Variants in PVT1 observed in about 807,000 individuals in gnomAD.
PVT1 encodes CXCR4/PVT1 fusion.
intron 4 of PVT1, among the ~76,000 whole-genome samples, chr8:128,035,438 G>T (rs895935740): frequency 6.6e-6 from 1 of 152,112 alleles, no homozygotes; most frequent in Non-Finnish European, 1.5e-5. Context: ...CACACTTTGT[G>T]GGGGGCCAAG....
intron 3 of PVT1, among the ~76,000 whole-genome samples, chr8:127,961,818 C>T (rs951548153): frequency 6.6e-6 from 1 of 152,226 alleles, no homozygotes; most frequent in African/African-American, 2.4e-5. Flanking sequence ...GGATGGCCTT[C>T]AGGAGCTCCA....
intron 3 of PVT1, among the ~76,000 whole-genome samples, chr8:127,927,704 G>A (rs1271905596): frequency 1.3e-5 from 2 of 152,130 alleles, no homozygotes; most frequent in Non-Finnish European, 1.5e-5. Context: ...GGTGACTTTA[G>A]GCAACTGACT....
chr8:127,855,291 G>T (rs1586408349), intron 2 of PVT1: 1 of 398,512 alleles, frequency 2.5e-6, no homozygotes, highest in South Asian at 1.3e-4. Context: ...AGAAGCAGCT[G>T]GGGGCCTTGG....
chr8:128,003,803 C>T (rs1317803640), intron 4 of PVT1, among the ~76,000 whole-genome samples: 1 of 152,182 alleles, frequency 6.6e-6, no homozygotes, highest in African/African-American at 2.4e-5. Context: ...TTAATCAGGC[C>T]ACCAGTCTGA....
chr8:127,896,002 C>T (rs991050202), intron 3 of PVT1, among the ~76,000 whole-genome samples: 16 of 152,140 alleles, frequency 1.1e-4, no homozygotes, highest in Non-Finnish European at 2.2e-4. Context: ...ACATGTTTGT[C>T]TTTCAAAGGC....
chr8:127,970,226 A>G (rs139750063), intron 3 of PVT1, among the ~76,000 whole-genome samples: 2 of 146,932 alleles, frequency 1.4e-5, no homozygotes, highest in African/African-American at 5.1e-5. Context: ...CAGGGGGCAC[A>G]CATTTCAGCA....
intron 2 of PVT1, among the ~76,000 whole-genome samples, chr8:127,798,163 G>C (rs1169546712): frequency 6.6e-6 from 1 of 151,894 alleles, no homozygotes; most frequent in East Asian, 1.9e-4. Context: ...AATTAGCCGG[G>C]CATGGTGGCG....
At chr8:127,902,265 G>T (rs536454345) in intron 3 of PVT1, among the ~76,000 whole-genome samples, 1 of 152,224 alleles carries the variant, frequency 6.6e-6, no homozygotes, top group African/African-American at 2.4e-5. Flanking sequence ...CACCCTACCT[G>T]TGAATTGAAT....
At chr8:127,819,760 G>A (rs949138301) in intron 2 of PVT1, among the ~76,000 whole-genome samples, 1 of 152,130 alleles carries the variant, frequency 6.6e-6, no homozygotes, top group Non-Finnish European at 1.5e-5. Context: ...TAAATAGGTA[G>A]GACCCAATAC....
intron 3 of PVT1, among the ~76,000 whole-genome samples, chr8:127,917,027 G>A (rs1815994126): frequency 2.0e-5 from 3 of 152,178 alleles, no homozygotes; most frequent in Admixed American, 1.3e-4. Context: ...TAGAGTTTAA[G>A]TTTTCTCCTC....
At chr8:128,074,519 TA>T (rs35127174) in intron 5 of PVT1, among the ~76,000 whole-genome samples, 47,195 of 122,222 alleles carry the variant, frequency 0.39, 9,298 homozygotes, top group East Asian at 0.66. Context: ...TGAGACTGTC[TA>T]AAAAAAAAAA....
At chr8:127,802,302 C>T (rs1025028748) in intron 2 of PVT1, among the ~76,000 whole-genome samples, 6 of 152,172 alleles carry the variant, frequency 3.9e-5, no homozygotes, top group African/African-American at 7.2e-5. Flanking sequence ...TAGCCTCGAC[C>T]TCCCAGGCTC....
intron 3 of PVT1, among the ~76,000 whole-genome samples, chr8:127,909,928 G>T (rs954617376): frequency 1.3e-5 from 2 of 152,060 alleles, no homozygotes; most frequent in African/African-American, 4.8e-5. Flanking sequence ...TCTTGGTGGG[G>T]TGTTCATCAG....
intron 2 of PVT1, among the ~76,000 whole-genome samples, chr8:127,817,521 C>CATATA (rs1814677952): frequency 2.1e-5 from 1 of 47,118 alleles, no homozygotes; most frequent in Non-Finnish European, 3.7e-5. Flanking sequence ...ATAGATATAT[C>CATATA]TATTTAAATA....
chr8:128,032,948 G>A (rs1031926578), intron 4 of PVT1, among the ~76,000 whole-genome samples: 13 of 152,300 alleles, frequency 8.5e-5, no homozygotes, highest in Admixed American at 2.0e-4. Flanking sequence ...ACTGAGTGTC[G>A]GAGTGGGAAG....
At chr8:128,039,915 G>A (rs1209901985) in intron 4 of PVT1, among the ~76,000 whole-genome samples, 1 of 152,242 alleles carries the variant, frequency 6.6e-6, no homozygotes, top group African/African-American at 2.4e-5. Flanking sequence ...GCTATGGGGT[G>A]CCGTAAGAAA....
At chr8:128,069,421 G>A (rs780923403) in intron 4 of PVT1, among the ~76,000 whole-genome samples, 8 of 152,156 alleles carry the variant, frequency 5.3e-5, no homozygotes, top group Non-Finnish European at 8.8e-5. Context: ...CCTGACCCTC[G>A]CTGCTGTATC....
rs139227092 is a variant in PVT1 at position 127,981,831 on chromosome 8, A to C, written n.783-7331A>C. Among the ~76,000 whole-genome samples, 572 of 152,288 alleles carry C rather than the reference A, an allele frequency of 3.8e-3. 2 individuals carry two copies. The highest frequency in any genetic ancestry group is 0.013 in the African/African-American group (547 of 41,558). ...TACAGTTTCCAAAGCATTTCCTCACATATTATCTTCTTCAGTCCTCCCAGG... is the reference window on the plus strand; with the variant it reads ...TACAGTTTCCAAAGCATTTCCTCACCTATTATCTTCTTCAGTCCTCCCAGG... On this transcript the variant is annotated intron_variant and non_coding_transcript_variant, in intron 3 of 10. Coordinates refer to ENST00000651587, the Ensembl canonical transcript of PVT1.
rs574719082 is a variant in PVT1, at chr8:127,860,987, G to A, written n.373-29602G>A. On this transcript the variant is annotated intron_variant and non_coding_transcript_variant, in intron 2 of 10. Transcript: ENST00000651587. ...GTGAACTTGGGATGCCACTGTGGAC[G>A]TGTCCCCAGCCTCCCTCCTCATTGG... Among the ~76,000 whole-genome samples the A allele has an allele frequency of 5.3e-5, 8 of 152,190 alleles. No individual in the cohort carries two copies. The South Asian group carries it at 6.2e-4, about 12-fold the overall frequency.
Sources: gnomAD v4.1 joint callset for allele counts (sites outside exome capture counted in the v4.1 genomes callset) on GRCh38, gnomAD v4.1.1 for gene constraint, MANE v1.5 for transcripts, NCBI Gene and HGNC (gene_info 2026-07-23, HGNC 2026-07-21) for gene names.